SIPA1L1: variants seen among roughly 807,000 people sequenced by gnomAD.
SIPA1L1 encodes signal-induced proliferation-associated 1-like protein 1.
SIPA1L1 carries 26 observed loss-of-function variants against 162.7 expected under a neutral mutation model. The observed-to-expected ratio is 0.16, with a 90% CI of 0.12 to 0.22. The LOEUF (loss-of-function observed/expected upper bound fraction) is 0.22, where lower values mean the gene tolerates loss of function less well. Among genes scored for constraint, SIPA1L1 ranks in the 10% least tolerant of loss-of-function variants. The pLI, the probability that SIPA1L1 is intolerant of heterozygous loss-of-function variation, is 1.00. For missense variants in SIPA1L1, 1,874 were observed against 2,241.0 expected, an observed-to-expected ratio of 0.84 and a Z score of 3.31; for synonymous variants, 829 against 837.4, an observed-to-expected ratio of 0.99 and a Z score of 0.17.
intron 4 of SIPA1L1, among the ~76,000 whole-genome samples, chr14:71,564,008 C>G (rs1357743391): frequency 6.6e-6 from 1 of 152,154 alleles, no homozygotes; most frequent in Non-Finnish European, 1.5e-5. Flanking sequence ...AGTGCAGTGG[C>G]ACGAACACAG....
At chr14:71,485,098 A>G (rs1308911721) in intron 2 of SIPA1L1, among the ~76,000 whole-genome samples, 1 of 152,260 alleles carries the variant, frequency 6.6e-6, no homozygotes, top group Non-Finnish European at 1.5e-5. Context: ...AAGAGGTACA[A>G]TAACGTTTCC....
At chr14:71,442,364 G>A (rs1331236639) in intron 2 of SIPA1L1, among the ~76,000 whole-genome samples, 2 of 151,926 alleles carry the variant, frequency 1.3e-5, no homozygotes, top group Non-Finnish European at 2.9e-5. Flanking sequence ...AAAGCCCAGA[G>A]TATAGATGGA....
chr14:71,670,047 G>A (rs2044367252), intron 10 of SIPA1L1, among the ~76,000 whole-genome samples: 3 of 152,012 alleles, frequency 2.0e-5, no homozygotes, highest in South Asian at 2.1e-4. Context: ...AGAAGAAACC[G>A]ATTTTTTTAT....
chr14:71,714,583 CTCTT>C (rs2083123437), intron 17 of SIPA1L1, among the ~76,000 whole-genome samples: 2 of 74,862 alleles, frequency 2.7e-5, no homozygotes, highest in Non-Finnish European at 4.2e-5. Context: ...CAGCTTTTCT[CTCTT>C]TTTTTTTTTA....
Position 71,587,716 on chromosome 14 carries a change from C to CCTT in SIPA1L1, c.-157_-156insCTT, listed in dbSNP as rs2034788982. The CCTT allele has an allele frequency of 7.0e-6, 5 of 715,866 alleles. No individual in the cohort carries two copies. Among genetic ancestry groups the CCTT allele is most frequent in the Non-Finnish European group, 1.1e-5 (5 of 439,274 alleles). 44.3% of individuals were successfully genotyped at this position (715,866 alleles called of 1,614,324 possible). ...GAAGTTCCAATTTTTCAGTGCTTTA[C>CCTT]AAATAAAGCATCATTTAACCTTTTA... On this transcript the variant is annotated 5_prime_UTR_variant, in exon 5 of 24. Coordinates refer to ENST00000381232, the MANE Select transcript of SIPA1L1 (RefSeq NM_001386936.1).
intron 15 of SIPA1L1, among the ~76,000 whole-genome samples, chr14:71,703,909 T>G (rs1345021410): frequency 6.6e-6 from 1 of 152,222 alleles, no homozygotes; most frequent in Non-Finnish European, 1.5e-5. Context: ...CACTTTACTT[T>G]AGTGGCATCC....
intron 17 of SIPA1L1, among the ~76,000 whole-genome samples, chr14:71,711,727 A>G (rs1469135258): frequency 6.6e-6 from 1 of 152,216 alleles, no homozygotes; most frequent in Non-Finnish European, 1.5e-5. Flanking sequence ...GAATGTGCTG[A>G]CTGGAGCTGC....
intron 2 of SIPA1L1, among the ~76,000 whole-genome samples, chr14:71,485,295 A>G (rs1369922568): frequency 2.0e-5 from 3 of 152,204 alleles, no homozygotes; most frequent in Non-Finnish European, 4.4e-5. Flanking sequence ...CAACCCCCGG[A>G]CCACGGACCA....
At chr14:71,737,041 G>A (rs1459532686) in intron 22 of SIPA1L1, among the ~76,000 whole-genome samples, 7 of 152,014 alleles carry the variant, frequency 4.6e-5, no homozygotes, top group Non-Finnish European at 1.0e-4. Context: ...CATACTATGC[G>A]GTTATGGACT....
chr14:71,442,367 T>C (rs184022280), intron 2 of SIPA1L1, among the ~76,000 whole-genome samples: 1 of 151,984 alleles, frequency 6.6e-6, no homozygotes, highest in Admixed American at 6.6e-5. Context: ...GCCCAGAGTA[T>C]AGATGGAAGC....
intron 2 of SIPA1L1, among the ~76,000 whole-genome samples, chr14:71,354,916 A>T (rs1331111854): frequency 6.6e-6 from 1 of 152,200 alleles, no homozygotes. Flanking sequence ...CTGCGATGAC[A>T]AAGGGAGAGC....
At chr14:71,503,671 A>G (rs939531323) in intron 2 of SIPA1L1, among the ~76,000 whole-genome samples, 1 of 152,176 alleles carries the variant, frequency 6.6e-6, no homozygotes, top group Non-Finnish European at 1.5e-5. Flanking sequence ...GTTAATATGT[A>G]TGTATATATT....
intron 2 of SIPA1L1, among the ~76,000 whole-genome samples, chr14:71,476,903 A>T (rs1309169224): frequency 6.6e-6 from 1 of 151,810 alleles, no homozygotes; most frequent in East Asian, 1.9e-4. Flanking sequence ...GGATGGTATC[A>T]ATCTAAACAC....
chr14:71,690,590 A>T (rs1597007876), intron 13 of SIPA1L1, among the ~76,000 whole-genome samples: 4 of 152,066 alleles, frequency 2.6e-5, no homozygotes. Context: ...TTAGGTCCTT[A>T]GCTTATTTGA....
At chr14:71,697,417 C>T (rs2081727832) in intron 13 of SIPA1L1, among the ~76,000 whole-genome samples, 1 of 152,038 alleles carries the variant, frequency 6.6e-6, no homozygotes. Flanking sequence ...ATGGCTTCAC[C>T]ATGTTTAGCT....
chr14:71,474,744 A>G (rs905229795), intron 2 of SIPA1L1, among the ~76,000 whole-genome samples: 1 of 152,240 alleles, frequency 6.6e-6, no homozygotes, highest in African/African-American at 2.4e-5. Flanking sequence ...CGGGCTTCAC[A>G]TAATAGCTTC....
intron 2 of SIPA1L1, among the ~76,000 whole-genome samples, chr14:71,365,894 T>TG (rs201351711): frequency 0.024 from 2,904 of 119,696 alleles, 89 homozygotes; most frequent in African/African-American, 0.083. Context: ...CCTGGTTAAT[T>TG]TTTTTTTTTT....
intron 2 of SIPA1L1, among the ~76,000 whole-genome samples, chr14:71,326,884 G>GT (rs1026628220): frequency 4.9e-5 from 7 of 143,820 alleles, no homozygotes; most frequent in African/African-American, 1.8e-4. Flanking sequence ...GCTAATTTTT[G>GT]TTTTTTTAGT....
At chr14:71,444,530 A>G (rs926548970) in intron 2 of SIPA1L1, among the ~76,000 whole-genome samples, 1 of 152,302 alleles carries the variant, frequency 6.6e-6, no homozygotes, top group South Asian at 2.1e-4. Flanking sequence ...GCCTGAGACC[A>G]TTTCCTATCT....
Sources: allele counts gnomAD v4.1 joint callset (sites outside exome capture counted in the v4.1 genomes callset), GRCh38; gene constraint gnomAD v4.1.1; transcripts MANE v1.5; gene names NCBI Gene and HGNC (gene_info 2026-07-23, HGNC 2026-07-21).